The following PES1 variants were observed in gnomAD, a reference collection of about 807,000 sequenced individuals.
PES1 encodes the protein pescadillo homolog.
Under a neutral mutation model 77.1 loss-of-function variants are expected in PES1, and 31 were observed. The observed-to-expected ratio is 0.40, with a 90% CI of 0.30 to 0.54. The LOEUF is 0.54. Ranked by LOEUF, PES1 falls within the 20% of genes least tolerant of loss-of-function variation. The pLI is 0.45. For missense variants in PES1, 658 were observed against 771.7 expected (o/e 0.85, Z 1.75); for synonymous variants, 282 against 303.0 (o/e 0.93, Z 0.72).
At chr22:30,578,575 A>G (rs1341999815) in intron 14 of PES1, among the ~76,000 whole-genome samples, 1 of 152,202 alleles carries the variant, frequency 6.6e-6, no homozygotes, top group Non-Finnish European at 1.5e-5. Context: ...CTCTGTTTGC[A>G]GACCCCAGCA....
chr22:30,597,938 C>T (rs1290707639), intron 2 of PES1, among the ~76,000 whole-genome samples: 3 of 134,756 alleles, frequency 2.2e-5, no homozygotes, highest in African/African-American at 5.8e-5. Context: ...GGCTGGAGTG[C>T]AGTGGCGGCA....
chr22:30,581,135 G>A (rs775660770), intron 8 of PES1, 34 bp from the exon 9 acceptor site: 16 of 1,544,958 alleles, frequency 1.0e-5, no homozygotes, highest in Admixed American at 1.7e-5. Flanking sequence ...TGCAGTGGGG[G>A]ACCTCATGCG....
At chr22:30,598,595 A>T (rs2087302064) in intron 2 of PES1, among the ~76,000 whole-genome samples, 1 of 151,912 alleles carries the variant, frequency 6.6e-6, no homozygotes, top group African/African-American at 2.4e-5. Flanking sequence ...CGCCTGGCTC[A>T]TTTTTGTATT....
rs57016637 is a variant in PES1, at chr22:30,596,938, C to G, written c.-660-4540G>C. Among the ~76,000 whole-genome samples the G allele has an allele frequency of 3.6e-3, 531 of 147,358 alleles. 23 individuals carry two copies. The East Asian group carries it at 0.092, about 26-fold the overall frequency. On this transcript the variant is annotated intron_variant, in intron 2 of 16. Transcript: ENST00000402281. The stretch of plus-strand genomic sequence containing the variant: ...GAGTTAAGGGTGGGCGTGAGCTTGG[C>G]GGGCCCGCACTCGGAGAAGCCAGCC...
At chr22:30,577,191 G>A in intron 14 of PES1, 62 bp from the exon 15 acceptor site, 2 of 1,372,930 alleles carry the variant, frequency 1.5e-6, no homozygotes, top group Non-Finnish European at 2.1e-6. Context: ...GGGGGGCACA[G>A]AACTCAAAGC....
rs953692499 is a variant in PES1, at chr22:30,603,337, TCTC to T, written c.-661+2121_-661+2123del. 1.4e-4 allele frequency among the ~76,000 whole-genome samples: 21 copies of T among 152,096 alleles called. 3 individuals are homozygous for T. The highest frequency in any genetic ancestry group is 1.2e-3 in the Admixed American group (19 of 15,238). ...TTTTTTTATGATTTTATCTTTGCTT[TCTC>T]CTCCTCTTCCTCCTTTTCTTTCTTT... On this transcript the variant is annotated intron_variant, in intron 2 of 16. Transcript: ENST00000402281.
intron 1 of PES1, among the ~76,000 whole-genome samples, chr22:30,590,580 C>T (rs2087161571): frequency 6.6e-6 from 1 of 152,176 alleles, no homozygotes; most frequent in African/African-American, 2.4e-5. Context: ...TTTCCATTAC[C>T]TTATGCCACA....
intron 2 of PES1, among the ~76,000 whole-genome samples, chr22:30,598,016 T>G (rs2087289604): frequency 6.6e-6 from 1 of 151,038 alleles, no homozygotes; most frequent in African/African-American, 2.4e-5. Flanking sequence ...CCCAAGTAGC[T>G]GGGACTACAG....
chr22:30,597,268 G>A (rs1369486198), intron 2 of PES1, among the ~76,000 whole-genome samples: 1 of 151,980 alleles, frequency 6.6e-6, no homozygotes, highest in East Asian at 1.9e-4. Context: ...GAGCAGGACT[G>A]GCAGGCAGCT....
chr22:30,602,897 A>G (rs1352210793), intron 2 of PES1, among the ~76,000 whole-genome samples: 2 of 146,074 alleles, frequency 1.4e-5, no homozygotes, highest in African/African-American at 5.3e-5. Flanking sequence ...TATTTATCTT[A>G]ACTTGAAAGC....
intron 1 of PES1, among the ~76,000 whole-genome samples, chr22:30,589,554 G>A (rs1022288356): frequency 6.6e-6 from 1 of 152,184 alleles, no homozygotes; most frequent in African/African-American, 2.4e-5. Context: ...AGCTCTAAAT[G>A]TTGGCCATTA....
intron 9 of PES1, 50 bp from the exon 10 acceptor site, chr22:30,580,751 C>T (rs777712062): frequency 1.2e-6 from 2 of 1,608,898 alleles, no homozygotes; most frequent in South Asian, 1.1e-5. Context: ...CCCACCCCCA[C>T]TGGAGGGCCA....
At chr22:30,599,637 C>A (rs903963564) in intron 2 of PES1, among the ~76,000 whole-genome samples, 1 of 152,148 alleles carries the variant, frequency 6.6e-6, no homozygotes, top group Non-Finnish European at 1.5e-5. Context: ...CGGTGGCTCA[C>A]GCCTGTAATC....
chr22:30,588,787 G>GA lies in PES1; in HGVS notation c.104+403dup, dbSNP rs76819746. Among the ~76,000 whole-genome samples the GA allele has an allele frequency of 3.4e-3, 470 of 137,792 alleles. 2 individuals carry two copies. The highest frequency in any genetic ancestry group is 7.0e-3 in the African/African-American group (264 of 37,628). The allele number at this position is 137,792 out of a possible 152,430, so 90.4% of individuals were successfully genotyped here. On this transcript the variant is annotated intron_variant, in intron 2 of 14. Coordinates refer to ENST00000354694, the MANE Select transcript of PES1 (RefSeq NM_014303.4). ...AACAGAGTGAGACTCTGTCTCCGGG[G>GA]AAAAAAAAAAAAAAAGTGGGCCAGG... is the stretch of plus-strand genomic sequence containing the variant.
intron 6 of PES1, among the ~76,000 whole-genome samples, chr22:30,584,056 T>C (rs1170480465): frequency 6.6e-6 from 1 of 152,236 alleles, no homozygotes; most frequent in Admixed American, 6.5e-5. Context: ...CTGTTCTCAC[T>C]GTTTATTCGG....
In PES1 at chr22:30,584,167, G is replaced by A. The variant is rs982740314; in HGVS notation, c.630+198C>T. The A allele has an allele frequency of 2.0e-5, 12 of 600,970 alleles. No homozygotes were observed. The Admixed American group carries it at 2.8e-4, about 14-fold the overall frequency. The allele number at this position is 600,970 out of a possible 1,614,324, so 37.2% of individuals were successfully genotyped here. On this transcript the variant is annotated intron_variant, in intron 6 of 14. Transcript: ENST00000354694. ...ACGTCCAAGGGCACGCAGCTGGCAGGTGCTGCCATAGGGCTAGCTTAGGCT... is the reference window on the plus strand; with the variant it reads ...ACGTCCAAGGGCACGCAGCTGGCAGATGCTGCCATAGGGCTAGCTTAGGCT...
chr22:30,591,007 A>T (rs144333115), intron 1 of PES1, among the ~76,000 whole-genome samples: 1 of 152,306 alleles, frequency 6.6e-6, no homozygotes, highest in Non-Finnish European at 1.5e-5. Flanking sequence ...CACTTAAGCC[A>T]ACTATATATT....
In PES1 at chr22:30,588,023, T is replaced by G. The variant is rs376188573; in HGVS notation, c.256A>C (p.Lys86Gln). Residue 86 changes from lysine (K) to glutamine (Q), a missense_variant and splice_region_variant, in exon 3 of 15, where the codon AAG (lysine) becomes CAG (glutamine). Transcript: ENST00000354694. ...EPIVNKFREYKVFVRKLRKAY... is the reference protein window; with the variant it reads ...EPIVNKFREYQVFVRKLRKAY... The stretch of plus-strand genomic sequence containing the variant: ...AGACCCTAGAGCCCAGACCTCACCT[T>G]GTATTCACGGAACTTGTTGACAATG... 3.1e-6 allele frequency: 5 copies of G among 1,613,714 alleles called. No individual in the cohort carries two copies. The East Asian group carries it at 6.7e-5, about 22-fold the overall frequency.
chr22:30,594,668 TAAA>T (rs34230525), upstream of PES1, among the ~76,000 whole-genome samples: 3 of 138,742 alleles, frequency 2.2e-5, no homozygotes, highest in Non-Finnish European at 3.1e-5. Flanking sequence ...TGCCCCGCCT[TAAA>T]AAAAAAAAAA....
Sources: allele counts gnomAD v4.1 joint callset (sites outside exome capture counted in the v4.1 genomes callset), GRCh38; gene constraint gnomAD v4.1.1; transcripts MANE v1.5; gene names NCBI Gene and HGNC (gene_info 2026-07-23, HGNC 2026-07-21).